The following DOCK8 variants were observed in gnomAD, a reference collection of about 807,000 sequenced individuals.
The protein encoded by DOCK8 is dedicator of cytokinesis protein 8.
A neutral mutation model predicts 245.6 loss-of-function variants in DOCK8; 141 were observed. That is an observed-to-expected ratio of 0.57 (90% CI 0.50 to 0.66). DOCK8 has a LOEUF of 0.66. DOCK8 is among the 30% of genes least tolerant of loss of function. The pLI, the probability that DOCK8 is intolerant of heterozygous loss-of-function variation, is 0.00. For missense variants in DOCK8, 2,965 were observed against 2,603.4 expected (o/e 1.14, Z -3.02); for synonymous variants, 1,168 against 970.2 (o/e 1.20, Z -3.79).
In DOCK8 at chr9:396,664, CAGAT is replaced by C. The variant is rs1266246401; in HGVS notation, c.2971-119_2971-116del. The C allele has an allele frequency of 2.2e-6, 3 of 1,381,790 alleles. No homozygotes were observed. The African/African-American group carries it at 4.3e-5, about 20-fold the overall frequency. The allele number at this position is 1,381,790 out of a possible 1,614,324, so 85.6% of individuals were successfully genotyped here. ...AGAGCTTGCTCGGGCACCACCAGCA[CAGAT>C]AAAGTGTCAGAAAATCCATTGTTAG... On this transcript the variant is annotated intron_variant, in intron 24 of 47. Transcript: ENST00000432829.
At chr9:392,152 A>AG (rs1344719368) in intron 24 of DOCK8, among the ~76,000 whole-genome samples, 7 of 151,562 alleles carry the variant, frequency 4.6e-5, no homozygotes, top group African/African-American at 1.7e-4. Context: ...AAAAAAAAAA[A>AG]AGAGAGAGGG....
chr9:352,422 C>A lies in DOCK8; in HGVS notation c.1679+12101C>A, dbSNP rs564527969. Among the ~76,000 whole-genome samples, 24 of 152,234 alleles carry A rather than the reference C, an allele frequency of 1.6e-4. No homozygotes were observed. The East Asian group carries it at 2.7e-3, about 17-fold the overall frequency. ...CTGAACCAAACTCTAGCATGAGAAT[C>A]GGCATCCCAGGCCAGCAGCCAAAAC... On this transcript the variant is annotated intron_variant, in intron 14 of 47. Transcript: ENST00000432829.
At chr9:350,564 G>T (rs2052113679) in intron 14 of DOCK8, among the ~76,000 whole-genome samples, 2 of 152,172 alleles carry the variant, frequency 1.3e-5, no homozygotes, top group South Asian at 4.1e-4. Flanking sequence ...AAGGGCAGGG[G>T]TTTGGTTTTC....
At chr9:305,332 G>A (rs1025554859) in intron 5 of DOCK8, among the ~76,000 whole-genome samples, 10 of 151,610 alleles carry the variant, frequency 6.6e-5, no homozygotes, top group African/African-American at 1.2e-4. Context: ...GCCCAGGCTG[G>A]ACTGCAGTGG....
chr9:365,775 C>T (rs1413586778), intron 14 of DOCK8: 3 of 399,954 alleles, frequency 7.5e-6, no homozygotes, highest in Non-Finnish European at 1.5e-5. Flanking sequence ...GCTTAACAGA[C>T]ATTAGCTCTG....
intron 3 of DOCK8, among the ~76,000 whole-genome samples, chr9:289,214 G>A (rs1202891172): frequency 6.6e-6 from 1 of 152,190 alleles, no homozygotes; most frequent in African/African-American, 2.4e-5. Flanking sequence ...TTCGAATACA[G>A]CTAGTTCTAC....
intron 1 of DOCK8, among the ~76,000 whole-genome samples, chr9:247,466 T>A (rs529440583): frequency 1.1e-3 from 164 of 152,352 alleles, no homozygotes; most frequent in East Asian, 3.3e-3. Flanking sequence ...TAGTTTTTTT[T>A]AAAATAATGC....
chr9:405,975 TCTGACTGCCC>T (rs1234825430), intron 27 of DOCK8, among the ~76,000 whole-genome samples: 1 of 152,196 alleles, frequency 6.6e-6, no homozygotes, highest in Non-Finnish European at 1.5e-5. Context: ...ACCTTCCCCT[TCTGACTGCCC>T]CAGGGAGTGG....
intron 10 of DOCK8, among the ~76,000 whole-genome samples, chr9:333,082 C>T (rs1219976045): frequency 2.0e-5 from 3 of 152,182 alleles, no homozygotes; most frequent in South Asian, 2.1e-4. Context: ...GGCTCTGACT[C>T]AGCTGGTTGG....
intron 14 of DOCK8, among the ~76,000 whole-genome samples, chr9:341,180 A>C (rs1387739576): frequency 6.6e-6 from 1 of 152,208 alleles, no homozygotes; most frequent in Non-Finnish European, 1.5e-5. Context: ...TGAAAAATTG[A>C]TTTTAATTAA....
At chr9:258,356 A>C (rs983406323) in intron 1 of DOCK8, among the ~76,000 whole-genome samples, 3 of 146,166 alleles carry the variant, frequency 2.1e-5, no homozygotes, top group Non-Finnish European at 3.0e-5. Flanking sequence ...GTGGCCTCTA[A>C]ATTGGCCAAG....
At chr9:418,755 A>C (rs1026646506) in intron 30 of DOCK8, among the ~76,000 whole-genome samples, 1 of 152,198 alleles carries the variant, frequency 6.6e-6, no homozygotes, top group Non-Finnish European at 1.5e-5. Context: ...GTTCAAGTTC[A>C]AGAAACCGGA....
At position 406,937 on chromosome 9, in the gene DOCK8, G is replaced by C. The variant is rs767626445; in HGVS notation, c.3398G>C (p.Ser1133Thr). The stretch of plus-strand genomic sequence containing the variant: ...CTCCTTACGTTTCTGTAGAACTCAA[G>C]CTCCTGCTCCAGCTTCCAGGACCAG... ...PCPSISSQNS[S>T]SCSSFQDQKI... Residue 1133 changes from serine to threonine, a missense_variant, in exon 28 of 48, where the codon AGC (serine) becomes ACC (threonine). Coordinates refer to ENST00000432829, the MANE Select transcript of DOCK8 (RefSeq NM_203447.4). 26 of 1,614,062 alleles carry C rather than the reference G, an allele frequency of 1.6e-5. No homozygotes were observed. The highest frequency in any genetic ancestry group is 2.2e-5 in the Non-Finnish European group (26 of 1,180,004).
intron 9 of DOCK8, among the ~76,000 whole-genome samples, chr9:328,941 C>CTTTTTTTTTTTTTTTTTTTTTTTTTTT (rs1165346763): frequency 4.2e-5 from 3 of 71,402 alleles, no homozygotes; most frequent in African/African-American, 1.1e-4. Flanking sequence ...CTTATTGATT[C>CTTTTTTTTTTTTTTTTTTTTTTTTTTT]TTTTTTTTTT....
chr9:391,052 C>A (rs554660725), intron 24 of DOCK8, among the ~76,000 whole-genome samples: 6 of 152,174 alleles, frequency 3.9e-5, no homozygotes, highest in African/African-American at 1.4e-4. Flanking sequence ...ACGCCACATT[C>A]CCCCATCATT....
At chr9:250,667 G>C (rs1301803193) in intron 1 of DOCK8, among the ~76,000 whole-genome samples, 1 of 152,178 alleles carries the variant, frequency 6.6e-6, no homozygotes, top group Admixed American at 6.5e-5. Context: ...TACACGGGTG[G>C]AAAGCCCATT....
At chr9:279,845 G>T (rs991927933) in intron 2 of DOCK8, among the ~76,000 whole-genome samples, 6 of 152,188 alleles carry the variant, frequency 3.9e-5, no homozygotes, top group Admixed American at 1.3e-4. Context: ...CAGGAGTGGC[G>T]TGAAGCCTCC....
At chr9:281,677 A>G (rs1378681804) in intron 2 of DOCK8, among the ~76,000 whole-genome samples, 3 of 148,426 alleles carry the variant, frequency 2.0e-5, no homozygotes, top group African/African-American at 2.6e-5. Flanking sequence ...TGACTGCCTC[A>G]TAGTAAAGCC....
chr9:214,217 C>G (rs938414898), upstream of DOCK8: 13 of 414,798 alleles, frequency 3.1e-5, no homozygotes, highest in Non-Finnish European at 5.6e-5. Context: ...AGACCTCAGT[C>G]TGAAACTGAA....
Sources: gnomAD v4.1 joint callset for allele counts (sites outside exome capture counted in the v4.1 genomes callset) on GRCh38, gnomAD v4.1.1 for gene constraint, MANE v1.5 for transcripts, NCBI Gene and HGNC (gene_info 2026-07-23, HGNC 2026-07-21) for gene names.